Variants in KAZN observed in about 807,000 individuals in gnomAD.
KAZN encodes the protein kazrin, periplakin interacting protein.
In KAZN, 40 loss-of-function variants were observed where a neutral mutation model predicts 87.4. The observed-to-expected ratio is 0.46, with a 90% confidence interval of 0.36 to 0.60. The LOEUF (loss-of-function observed/expected upper bound fraction) is 0.60. Among genes scored for constraint, KAZN ranks in the 20% least tolerant of loss-of-function variants. KAZN has a pLI of 0.00. For missense variants in KAZN, 898 were observed against 1,073.9 expected, an observed-to-expected ratio of 0.84 and a Z score of 2.29; for synonymous variants, 466 against 458.3, an observed-to-expected ratio of 1.02 and a Z score of -0.22.
intron 1 of KAZN, among the ~76,000 whole-genome samples, chr1:14,780,634 T>C (rs1645304011): frequency 6.6e-6 from 1 of 152,174 alleles, no homozygotes; most frequent in Non-Finnish European, 1.5e-5. Context: ...GGCCTAGGCA[T>C]TTCACAATTA....
chr1:14,760,744 AG>A (rs2100543651), intron 1 of KAZN, among the ~76,000 whole-genome samples: 1 of 152,298 alleles, frequency 6.6e-6, no homozygotes, highest in South Asian at 2.1e-4. Flanking sequence ...GCTTGAGCCT[AG>A]GAGTTTGAGC....
At chr1:14,196,304 T>C (rs1178816293) in intron 2 of KAZN, among the ~76,000 whole-genome samples, 1 of 152,126 alleles carries the variant, frequency 6.6e-6, no homozygotes, top group East Asian at 1.9e-4. Flanking sequence ...AATGATATAA[T>C]TGGATTAAAT....
intron 1 of KAZN, among the ~76,000 whole-genome samples, chr1:14,748,594 A>G (rs1209658549): frequency 6.6e-6 from 1 of 152,248 alleles, no homozygotes; most frequent in Admixed American, 6.5e-5. Flanking sequence ...CATTTGTAAC[A>G]GTCACTGGCA....
chr1:14,924,070 G>C (rs1172658745), intron 1 of KAZN: 60 of 926,462 alleles, frequency 6.5e-5, no homozygotes, highest in Non-Finnish European at 7.4e-5. Flanking sequence ...GGGCGGGGGC[G>C]GGGCGAGCCT....
chr1:14,118,337 C>G (rs969981644), intron 1 of KAZN, among the ~76,000 whole-genome samples: 2 of 152,186 alleles, frequency 1.3e-5, no homozygotes, highest in African/African-American at 4.8e-5. Context: ...CAAACCCTAC[C>G]ATCAAGCAGG....
chr1:14,498,989 T>G (rs10754858), intron 2 of KAZN, among the ~76,000 whole-genome samples: 5 of 151,930 alleles, frequency 3.3e-5, no homozygotes, highest in Non-Finnish European at 7.4e-5. Flanking sequence ...TGCAGCAGCA[T>G]GGTAAACAGT....
At chr1:14,044,391 C>CA (rs1439749888) in intron 1 of KAZN, among the ~76,000 whole-genome samples, 1 of 31,298 alleles carries the variant, frequency 3.2e-5, no homozygotes, top group East Asian at 2.1e-3. Context: ...CACTGTTCCG[C>CA]CCCCCACCAA....
At chr1:14,082,265 G>A (rs1001659373) in intron 1 of KAZN, among the ~76,000 whole-genome samples, 1 of 152,160 alleles carries the variant, frequency 6.6e-6, no homozygotes, top group African/African-American at 2.4e-5. Flanking sequence ...AGGTGTGCTT[G>A]GAATCAAATC....
intron 1 of KAZN, among the ~76,000 whole-genome samples, chr1:14,653,532 C>T (rs1638585796): frequency 6.6e-6 from 1 of 152,212 alleles, no homozygotes; most frequent in African/African-American, 2.4e-5. Flanking sequence ...GAAGCCCGGA[C>T]TTTGTAGGAA....
intron 1 of KAZN, among the ~76,000 whole-genome samples, chr1:14,082,289 A>T (rs1014412798): frequency 3.9e-5 from 6 of 152,160 alleles, no homozygotes; most frequent in Admixed American, 1.3e-4. Context: ...CCTTTCGGGG[A>T]TATCTTAAAT....
At chr1:14,875,849 G>A (rs554762601) in intron 1 of KAZN, among the ~76,000 whole-genome samples, 9 of 152,364 alleles carry the variant, frequency 5.9e-5, no homozygotes, top group African/African-American at 2.2e-4. Context: ...TCAATCTGAA[G>A]TGTGACCTCG....
intron 2 of KAZN, among the ~76,000 whole-genome samples, chr1:14,432,698 T>A (rs1278446538): frequency 1.3e-5 from 2 of 152,140 alleles, no homozygotes; most frequent in Admixed American, 1.3e-4. Context: ...ATTAGGTATT[T>A]GTCCTAATGT....
At chr1:14,677,296 A>C (rs973548518) in intron 1 of KAZN, among the ~76,000 whole-genome samples, 4 of 152,208 alleles carry the variant, frequency 2.6e-5, no homozygotes, top group Admixed American at 1.3e-4. Context: ...GGATAATGAT[A>C]TAACTTATTT....
intron 1 of KAZN, among the ~76,000 whole-genome samples, chr1:14,810,724 G>C (rs111558903): frequency 2.6e-5 from 4 of 152,308 alleles, no homozygotes; most frequent in African/African-American, 9.6e-5. Context: ...GGGACACCAG[G>C]CTGCTTTCCC....
At chr1:14,228,312 CCTTG>C (rs1186353000) in intron 2 of KAZN, among the ~76,000 whole-genome samples, 2 of 152,100 alleles carry the variant, frequency 1.3e-5, no homozygotes, top group Non-Finnish European at 2.9e-5. Flanking sequence ...ATATTATTGT[CCTTG>C]CTTTTCAGAT....
rs149891102 is a variant in KAZN, at chr1:14,788,024, A to G, written c.227-172660A>G. Among the ~76,000 whole-genome samples the G allele has an allele frequency of 6.0e-4, 91 of 152,312 alleles. No homozygotes were observed. In the East Asian group the frequency reaches 0.015, roughly 25 times the overall value. On this transcript the variant is annotated intron_variant, in intron 1 of 14. Coordinates refer to ENST00000376030, the MANE Select transcript of KAZN (RefSeq NM_201628.3). ...AATGGCTCTGTACAGGAATGGCTGC[A>G]TAGTTGTGGGGACCCAGCACAAAAG...
At chr1:13,909,174 A>G (rs1453260999) in intron 1 of KAZN, among the ~76,000 whole-genome samples, 1 of 152,232 alleles carries the variant, frequency 6.6e-6, no homozygotes, top group Non-Finnish European at 1.5e-5. Flanking sequence ...GCCTTGAATT[A>G]TGGGATTGGT....
At chr1:14,849,931 A>ACCC (rs34556308) in intron 1 of KAZN, among the ~76,000 whole-genome samples, 41 of 141,824 alleles carry the variant, frequency 2.9e-4, no homozygotes, top group African/African-American at 1.0e-3. Context: ...TAGATTTTCT[A>ACCC]CCCCCCCTTT....
At chr1:14,558,759 T>C (rs1674072411) in intron 2 of KAZN, among the ~76,000 whole-genome samples, 1 of 152,174 alleles carries the variant, frequency 6.6e-6, no homozygotes, top group East Asian at 1.9e-4. Context: ...TTGTCTGTAT[T>C]CTATCATCTA....
Sources: allele counts gnomAD v4.1 joint callset (sites outside exome capture counted in the v4.1 genomes callset), GRCh38; gene constraint gnomAD v4.1.1; transcripts MANE v1.5; gene names NCBI Gene and HGNC (gene_info 2026-07-23, HGNC 2026-07-21).